The following MACROD1 variants were observed in gnomAD, a reference collection of about 807,000 sequenced individuals.
MACROD1 encodes ADP-ribose glycohydrolase MACROD1.
A neutral mutation model predicts 41.4 loss-of-function variants in MACROD1; 31 were observed. The observed-to-expected ratio is 0.75, with a 90% CI of 0.56 to 1.01. The LOEUF is 1.01. Among genes scored for constraint, MACROD1 ranks in the 50% least tolerant of loss-of-function variants. The pLI is 0.00. For missense variants in MACROD1, 473 were observed against 460.0 expected, an observed-to-expected ratio of 1.03 and a Z score of -0.26; for synonymous variants, 252 against 203.4, an observed-to-expected ratio of 1.24 and a Z score of -2.03.
intron 3 of MACROD1, among the ~76,000 whole-genome samples, chr11:64,114,137 T>C (rs978573118): frequency 5.4e-5 from 8 of 148,168 alleles, no homozygotes; most frequent in Non-Finnish European, 1.2e-4. Flanking sequence ...GGTGCATGCC[T>C]GAATGGATGA....
chr11:64,016,515 A>G (rs1302705743), intron 3 of MACROD1, among the ~76,000 whole-genome samples: 2 of 152,240 alleles, frequency 1.3e-5, no homozygotes, highest in Non-Finnish European at 2.9e-5. Context: ...GAGGGGACAC[A>G]GAGCTGAGCT....
chr11:64,093,006 A>T (rs1377125749), intron 3 of MACROD1, among the ~76,000 whole-genome samples: 4 of 152,160 alleles, frequency 2.6e-5, no homozygotes, highest in Non-Finnish European at 5.9e-5. Flanking sequence ...GTCCCTGGCC[A>T]CACCGGAGTG....
chr11:64,157,693 G>T (rs1590979595), intron 1 of MACROD1, among the ~76,000 whole-genome samples: 1 of 152,144 alleles, frequency 6.6e-6, no homozygotes, highest in Non-Finnish European at 1.5e-5. Flanking sequence ...GCGGGCGAAT[G>T]GGAATTCAAT....
chr11:64,117,045 C>T (rs759754470), intron 3 of MACROD1: 1 of 1,606,712 alleles, frequency 6.2e-7, no homozygotes, highest in East Asian at 2.3e-5. Context: ...GCGCAATTCG[C>T]TGGCCGCGCC....
At chr11:64,061,504 C>G (rs1463362634) in intron 3 of MACROD1, among the ~76,000 whole-genome samples, 1 of 152,158 alleles carries the variant, frequency 6.6e-6, no homozygotes, top group African/African-American at 2.4e-5. Flanking sequence ...CCAGGCAGCT[C>G]CTCCCCGGCT....
In MACROD1 at chr11:64,096,092, G is replaced by A. The variant is rs1044797327; in HGVS notation, c.517+55147C>T. ...GGGACAGCGTGGGGCCCACTTCACAGCCAGGCTGCCAGGAGACGCTGTGAG... is the reference window on the plus strand; with the variant it reads ...GGGACAGCGTGGGGCCCACTTCACAACCAGGCTGCCAGGAGACGCTGTGAG... On this transcript the variant is annotated intron_variant, in intron 3 of 10. Coordinates refer to ENST00000255681, the MANE Select transcript of MACROD1 (RefSeq NM_014067.4). This position sits in a 1 kb window ranked among gnomAD's most constrained non-coding sequence, Gnocchi z 4.6. Among the ~76,000 whole-genome samples, 1 of 152,272 alleles carries A rather than the reference G, an allele frequency of 6.6e-6. No homozygotes were observed. The highest frequency in any genetic ancestry group is 1.5e-5 in the Non-Finnish European group (1 of 68,046).
In MACROD1 at chr11:63,999,315, C is replaced by T. The variant is rs750883272; in HGVS notation, c.891+16G>A. 11 of 1,557,020 alleles carry T rather than the reference C, an allele frequency of 7.1e-6. No homozygotes were observed. The South Asian group carries it at 1.2e-4, about 16-fold the overall frequency. On this transcript the variant is annotated intron_variant, in intron 8 of 10. Transcript: ENST00000255681. ...CCGGGATGCGGACCCCACCCTCGCC[C>T]GGGCCCAGGACTCACCTTGTCCTTG... is the stretch of plus-strand genomic sequence containing the variant.
At chr11:64,026,747 A>G (rs948546820) in intron 3 of MACROD1, among the ~76,000 whole-genome samples, 1 of 151,888 alleles carries the variant, frequency 6.6e-6, no homozygotes, top group East Asian at 1.9e-4. Context: ...TCTTCCTTCA[A>G]TAGGTCTGGC....
chr11:64,071,528 C>T (rs1723388481), intron 3 of MACROD1, among the ~76,000 whole-genome samples: 1 of 152,146 alleles, frequency 6.6e-6, no homozygotes, highest in African/African-American at 2.4e-5. Context: ...TGGGGCCCAT[C>T]CCAGACCAGG....
chr11:64,022,048 C>A (rs554753756), intron 3 of MACROD1, among the ~76,000 whole-genome samples: 2 of 145,246 alleles, frequency 1.4e-5, no homozygotes, highest in African/African-American at 2.6e-5. Context: ...GGGTGGGGGA[C>A]GAGGAGCAAA....
At chr11:64,025,965 A>G (rs1471430087) in intron 3 of MACROD1, among the ~76,000 whole-genome samples, 1 of 151,860 alleles carries the variant, frequency 6.6e-6, no homozygotes. Context: ...GGTATATCAC[A>G]AGGTCAAGAG....
chr11:64,096,739 G>T lies in MACROD1; in HGVS notation c.517+54500C>A, dbSNP rs2005261. On this transcript the variant is annotated intron_variant, in intron 3 of 10. Transcript: ENST00000255681. The surrounding 1 kb of genome is among the most constrained non-coding windows in gnomAD (Gnocchi z 4.6). ...ACCCTCTCCCCCTTTTGTGCCTAGA[G>T]TTGCTCTGTGAAGGGGCAGGCTCTG... 0.26 allele frequency among the ~76,000 whole-genome samples: 39,630 copies of T among 152,114 alleles called. 5,701 individuals carry two copies. Among genetic ancestry groups the T allele is most frequent in the Admixed American group, 0.35 (5,330 of 15,274 alleles).
chr11:64,076,140 C>T (rs1398601043), intron 3 of MACROD1, among the ~76,000 whole-genome samples: 1 of 152,226 alleles, frequency 6.6e-6, no homozygotes, highest in East Asian at 1.9e-4. Flanking sequence ...CCTGCCCCTG[C>T]CCTGACCCCA....
At chr11:64,057,465 C>T (rs577223247) in intron 3 of MACROD1, among the ~76,000 whole-genome samples, 11 of 152,314 alleles carry the variant, frequency 7.2e-5, no homozygotes, top group African/African-American at 1.2e-4. Context: ...CCAGTCCCTC[C>T]CCTCAGGAAG....
At chr11:64,152,109 A>G (rs1945588674) in intron 2 of MACROD1, among the ~76,000 whole-genome samples, 183 bp downstream of exon 2, 1 of 152,236 alleles carries the variant, frequency 6.6e-6, no homozygotes, top group Non-Finnish European at 1.5e-5. Flanking sequence ...AGCCTGCGCA[A>G]AAAGAGTGAA....
At chr11:64,089,330 A>G (rs1944449826) in intron 3 of MACROD1, among the ~76,000 whole-genome samples, 1 of 152,148 alleles carries the variant, frequency 6.6e-6, no homozygotes, top group African/African-American at 2.4e-5. Context: ...TGTGCCAGGG[A>G]TTCGGACCCA....
At chr11:64,003,920 C>T (rs928959298) in intron 4 of MACROD1, among the ~76,000 whole-genome samples, 1 of 152,208 alleles carries the variant, frequency 6.6e-6, no homozygotes, top group African/African-American at 2.4e-5. Context: ...TCTTTCTGGA[C>T]GGTTTGGCTG....
At chr11:64,149,070 G>A in intron 3 of MACROD1, 1 of 976,026 alleles carries the variant, frequency 1.0e-6, no homozygotes, top group Non-Finnish European at 1.2e-6. Context: ...CACACCAAGA[G>A]GTGTATGGGT....
At chr11:64,061,673 A>C (rs1943906170) in intron 3 of MACROD1, among the ~76,000 whole-genome samples, 1 of 151,458 alleles carries the variant, frequency 6.6e-6, no homozygotes, top group South Asian at 2.1e-4. Flanking sequence ...ATCAAGGTCC[A>C]ATTTTAATTT....
Sources: allele counts gnomAD v4.1 joint callset (sites outside exome capture counted in the v4.1 genomes callset), GRCh38; gene constraint gnomAD v4.1.1; non-coding constraint Gnocchi (gnomAD v3.1); transcripts MANE v1.5; gene names NCBI Gene and HGNC (gene_info 2026-07-23, HGNC 2026-07-21).